The following NRXN3 variants were observed in gnomAD, a reference collection of about 807,000 sequenced individuals.
NRXN3 encodes neurexin 3.
NRXN3 carries 32 observed loss-of-function variants against 137.6 expected under a neutral mutation model. The ratio of observed to expected loss-of-function variants is 0.23; its 90% CI spans 0.18 to 0.31. The LOEUF (loss-of-function observed/expected upper bound fraction) is 0.31. Ranked by LOEUF, NRXN3 falls within the 10% of genes least tolerant of loss-of-function variation. NRXN3 has a pLI of 1.00. For synonymous variants in NRXN3, 798 were observed against 784.5 expected, an observed-to-expected ratio of 1.02 and a Z score of -0.29; for missense variants, 1,574 against 2,062.5, an observed-to-expected ratio of 0.76 and a Z score of 4.59.
chr14:79,753,167 C>A (rs1047774716), intron 19 of NRXN3, among the ~76,000 whole-genome samples: 4 of 152,034 alleles, frequency 2.6e-5, no homozygotes, highest in African/African-American at 9.7e-5. Flanking sequence ...TGTGGCGATT[C>A]CTCAGGGACC....
In NRXN3 at chr14:79,029,683, G is replaced by A. The variant is rs145945327; in HGVS notation, c.3262+41542G>A. Among the ~76,000 whole-genome samples the A allele has an allele frequency of 7.2e-5, 11 of 152,172 alleles. No homozygotes were observed. The East Asian group carries it at 2.1e-3, about 29-fold the overall frequency. On this transcript the variant is annotated intron_variant, in intron 15 of 20. Transcript: ENST00000335750. ...CTCTACACAGTAGCTGCCAGTAGTA[G>A]CCTCCCCAACACTAATTGTCACAAT... is the stretch of plus-strand genomic sequence containing the variant.
intron 16 of NRXN3, among the ~76,000 whole-genome samples, chr14:79,504,774 G>T (rs904096354): frequency 2.0e-5 from 3 of 150,958 alleles, no homozygotes; most frequent in East Asian, 1.9e-4. Flanking sequence ...TCTCAAGAGG[G>T]TATGAAACCC....
chr14:78,776,333 G>T (rs1235675618), intron 8 of NRXN3, among the ~76,000 whole-genome samples: 1 of 152,068 alleles, frequency 6.6e-6, no homozygotes, highest in Admixed American at 6.5e-5. Context: ...ATACTGTTCT[G>T]TCTCTGATTA....
intron 19 of NRXN3, among the ~76,000 whole-genome samples, chr14:79,733,910 C>T (rs1294880489): frequency 6.6e-6 from 1 of 152,086 alleles, no homozygotes; most frequent in African/African-American, 2.4e-5. Context: ...TGATAATGGC[C>T]AGTAGCTGGT....
rs985090250 is a variant in NRXN3, at chr14:79,521,859, A to C, written c.3444+54457A>C. On this transcript the variant is annotated intron_variant, in intron 16 of 20. Transcript: ENST00000335750. ...AATTATGTTTTGGTTGATCAAAGTC[A>C]TTTCCTAGTAGTTTCCTCAATATTC... 5.3e-5 allele frequency among the ~76,000 whole-genome samples: 8 copies of C among 152,274 alleles called. No individual in the cohort carries two copies. In the East Asian group the frequency reaches 1.5e-3, roughly 29 times the overall value.
chr14:78,553,641 T>A (rs2096713004), intron 4 of NRXN3, among the ~76,000 whole-genome samples: 1 of 152,252 alleles, frequency 6.6e-6, no homozygotes, highest in South Asian at 2.1e-4. Flanking sequence ...TCTGATTTAA[T>A]GGTAACGAAG....
At chr14:78,659,474 T>C in intron 6 of NRXN3, among the ~76,000 whole-genome samples, 1 of 151,548 alleles carries the variant, frequency 6.6e-6, no homozygotes, top group Non-Finnish European at 1.5e-5. Context: ...AGTCCAGGAG[T>C]TGGAGACCAG....
intron 15 of NRXN3, among the ~76,000 whole-genome samples, chr14:79,276,709 TAAAAAA>T (rs757712972): frequency 8.2e-6 from 1 of 122,028 alleles, no homozygotes; most frequent in East Asian, 2.2e-4. Flanking sequence ...CAATGCCAAT[TAAAAAA>T]AAAAAAAAAA....
At chr14:79,297,183 A>G (rs2153470688) in intron 15 of NRXN3, among the ~76,000 whole-genome samples, 1 of 152,350 alleles carries the variant, frequency 6.6e-6, no homozygotes, top group Admixed American at 6.5e-5. Context: ...ATAACCTTCT[A>G]GAACTCTCTC....
chr14:79,667,161 A>G (rs1056328559), intron 17 of NRXN3, among the ~76,000 whole-genome samples: 17 of 152,098 alleles, frequency 1.1e-4, no homozygotes, highest in African/African-American at 3.4e-4. Flanking sequence ...CCATCAAACA[A>G]AGCCATCAAC....
chr14:78,233,134 G>T (rs1363352420), intron 1 of NRXN3, among the ~76,000 whole-genome samples: 1 of 152,186 alleles, frequency 6.6e-6, no homozygotes, highest in African/African-American at 2.4e-5. Context: ...GATTGTCAAG[G>T]CATGGTAAGA....
chr14:78,278,513 G>T (rs912283680), intron 2 of NRXN3, 132 bp from the exon 3 acceptor site: 1 of 735,370 alleles, frequency 1.4e-6, no homozygotes, highest in Non-Finnish European at 2.3e-6. Flanking sequence ...GTACCTCTGG[G>T]GCTTGCATGA....
Position 78,943,670 on chromosome 14 carries a change from A to G in NRXN3, c.2276-13572A>G, listed in dbSNP as rs1327618172. On this transcript the variant is annotated intron_variant, in intron 10 of 20. Transcript: ENST00000335750. ...TATATATATATATATATATATATAT[A>G]TATATATATCTCAAAGAATCTAGAA... Among the ~76,000 whole-genome samples, 6 of 106,324 alleles carry G rather than the reference A, an allele frequency of 5.6e-5. 1 individual carries two copies. The highest frequency in any genetic ancestry group is 2.1e-4 in the African/African-American group (6 of 29,192). The allele number at this position is 106,324 out of a possible 152,430, so 69.8% of individuals were successfully genotyped here. A position where few individuals can be genotyped will look rare whatever the true frequency, so the allele number is the denominator to read the frequency against.
intron 4 of NRXN3, chr14:78,403,763 C>T: frequency 1.0e-6 from 1 of 985,490 alleles, no homozygotes; most frequent in Non-Finnish European, 1.2e-6. Flanking sequence ...GACTGGAGGG[C>T]TTGAGGAATG....
chr14:79,273,276 A>G (rs1218468115), intron 15 of NRXN3, among the ~76,000 whole-genome samples: 2 of 151,202 alleles, frequency 1.3e-5, no homozygotes, highest in East Asian at 3.9e-4. Context: ...TTTCTTGTTT[A>G]GTCTTTTAAA....
chr14:78,767,945 A>G (rs1474493099), intron 8 of NRXN3, among the ~76,000 whole-genome samples: 2 of 152,158 alleles, frequency 1.3e-5, no homozygotes, highest in Non-Finnish European at 2.9e-5. Context: ...ATGACAATTC[A>G]TGTGGAATTA....
rs2095235044 is a variant in NRXN3, at chr14:78,470,319, G to A, written c.757+172459G>A. 2.0e-5 allele frequency among the ~76,000 whole-genome samples: 3 copies of A among 152,114 alleles called. No homozygotes were observed. The South Asian group carries it at 6.2e-4, about 32-fold the overall frequency. On this transcript the variant is annotated intron_variant, in intron 4 of 20. Transcript: ENST00000335750. ...CCAGTTCTCTGAGGATGGGACTCAG[G>A]CATCTGGAATTTTCACTTCTTTAAA...
intron 20 of NRXN3, among the ~76,000 whole-genome samples, chr14:79,817,126 C>T (rs2099254016): frequency 6.6e-6 from 1 of 152,112 alleles, no homozygotes; most frequent in Non-Finnish European, 1.5e-5. Context: ...GATCTCAGCT[C>T]ACTACAACCT....
intron 15 of NRXN3, among the ~76,000 whole-genome samples, chr14:79,168,106 CCTT>C (rs1337225846): frequency 6.6e-6 from 1 of 151,996 alleles, no homozygotes; most frequent in African/African-American, 2.4e-5. Context: ...AGGTCACCCT[CCTT>C]ATCTCACCAG....
Sources: allele counts gnomAD v4.1 joint callset (sites outside exome capture counted in the v4.1 genomes callset), GRCh38; gene constraint gnomAD v4.1.1; transcripts MANE v1.5; gene names NCBI Gene and HGNC (gene_info 2026-07-23, HGNC 2026-07-21).